Variants in MED12L observed in about 807,000 individuals in gnomAD.
The protein encoded by MED12L is mediator complex subunit 12L, also known as mediator of RNA polymerase II transcription subunit 12-like protein.
MED12L carries 60 observed loss-of-function variants against 281.3 expected under a neutral mutation model. The observed-to-expected ratio is 0.21, with a 90% CI of 0.17 to 0.26. The LOEUF (loss-of-function observed/expected upper bound fraction) is 0.26, where lower values mean the gene tolerates loss of function less well. Ranked by LOEUF, MED12L falls within the 10% of genes least tolerant of loss-of-function variation. The pLI is 1.00. For synonymous variants in MED12L, 974 were observed against 987.2 expected (o/e 0.99, Z 0.25); for missense variants, 2,146 against 2,680.9 (o/e 0.80, Z 4.41).
chr3:151,110,032 C>A (rs1317128132), intron 2 of MED12L, among the ~76,000 whole-genome samples: 3 of 152,148 alleles, frequency 2.0e-5, no homozygotes, highest in Non-Finnish European at 4.4e-5. Context: ...AGTGAACAAG[C>A]TTAAATCTCT....
chr3:151,328,504 C>A, intron 16 of MED12L: 1 of 1,613,956 alleles, frequency 6.2e-7, no homozygotes, highest in Non-Finnish European at 8.5e-7. Context: ...GTGTTGCTTC[C>A]TTGTTGCTCA....
chr3:151,098,831 C>A (rs1302095401), intron 2 of MED12L, among the ~76,000 whole-genome samples: 1 of 152,102 alleles, frequency 6.6e-6, no homozygotes, highest in African/African-American at 2.4e-5. Context: ...CCTGTTTTCA[C>A]ACTGCTGATA....
intron 16 of MED12L, among the ~76,000 whole-genome samples, chr3:151,283,306 GT>G (rs1743053030): frequency 6.6e-6 from 1 of 152,230 alleles, no homozygotes; most frequent in Non-Finnish European, 1.5e-5. Context: ...ATTAGATTGG[GT>G]TTAAATCTTG....
At chr3:151,224,006 T>C (rs891580530) in intron 16 of MED12L, among the ~76,000 whole-genome samples, 1 of 152,230 alleles carries the variant, frequency 6.6e-6, no homozygotes, top group Non-Finnish European at 1.5e-5. Context: ...TCTTAAATTC[T>C]GAATCAAATA....
chr3:151,371,370 C>T (rs1242199278), intron 26 of MED12L, among the ~76,000 whole-genome samples: 1 of 152,160 alleles, frequency 6.6e-6, no homozygotes, highest in Non-Finnish European at 1.5e-5. Flanking sequence ...TTGGTACTTG[C>T]AGAATTTAGT....
chr3:151,107,273 A>G (rs1560052416), intron 2 of MED12L, among the ~76,000 whole-genome samples: 1 of 152,162 alleles, frequency 6.6e-6, no homozygotes, highest in Non-Finnish European at 1.5e-5. Context: ...AAAATATCAG[A>G]AGCTTACCAC....
At chr3:151,329,428 C>T in intron 16 of MED12L, 1 of 1,127,364 alleles carries the variant, frequency 8.9e-7, no homozygotes, top group Non-Finnish European at 1.3e-6. Context: ...TTCCCTTAAG[C>T]ATATTCTTTT....
At chr3:151,176,445 A>G (rs1227912287) in intron 11 of MED12L, among the ~76,000 whole-genome samples, 6 of 152,224 alleles carry the variant, frequency 3.9e-5, no homozygotes. Context: ...ATAAACATAT[A>G]TGAACACTTA....
At chr3:151,366,683 C>T (rs544144622) in intron 23 of MED12L, among the ~76,000 whole-genome samples, 1 of 152,232 alleles carries the variant, frequency 6.6e-6, no homozygotes, top group African/African-American at 2.4e-5. Context: ...ACACCTGCCT[C>T]TCAGTTGAAG....
chr3:151,108,018 AT>A (rs965244245), intron 2 of MED12L, among the ~76,000 whole-genome samples: 1 of 152,166 alleles, frequency 6.6e-6, no homozygotes, highest in Admixed American at 6.5e-5. Flanking sequence ...CAGAGATGTT[AT>A]TGAGGGTTTG....
intron 21 of MED12L, among the ~76,000 whole-genome samples, chr3:151,362,528 A>G (rs1303763752): frequency 6.6e-6 from 1 of 152,072 alleles, no homozygotes; most frequent in South Asian, 2.1e-4. Flanking sequence ...TGAGCACACC[A>G]TTTTAAATAG....
intron 43 of MED12L, among the ~76,000 whole-genome samples, chr3:151,426,740 A>G (rs544515969): frequency 6.6e-6 from 1 of 152,206 alleles, no homozygotes; most frequent in South Asian, 2.1e-4. Flanking sequence ...AGATAAACTT[A>G]TGTTCCTGGA....
At chr3:151,337,975 C>T (rs770714899) in intron 16 of MED12L, 1 of 1,614,104 alleles carries the variant, frequency 6.2e-7, no homozygotes. Flanking sequence ...TCCAGGCATG[C>T]ATTTAAGGAA....
chr3:151,210,278 G>C (rs1214586666), intron 16 of MED12L, among the ~76,000 whole-genome samples: 1 of 152,234 alleles, frequency 6.6e-6, no homozygotes, highest in Non-Finnish European at 1.5e-5. Flanking sequence ...GATGGGGTCA[G>C]CTGCATATGA....
intron 2 of MED12L, among the ~76,000 whole-genome samples, chr3:151,103,996 T>C (rs2148671453): frequency 6.6e-6 from 1 of 152,334 alleles, no homozygotes; most frequent in South Asian, 2.1e-4. Context: ...GAGGGAGTGG[T>C]ATTATTACCA....
intron 39 of MED12L, among the ~76,000 whole-genome samples, chr3:151,406,882 C>T (rs1006917774): frequency 2.0e-5 from 3 of 150,406 alleles, no homozygotes; most frequent in Non-Finnish European, 2.9e-5. Flanking sequence ...CTCACTGCAA[C>T]CTCTGCCTCC....
intron 5 of MED12L, among the ~76,000 whole-genome samples, chr3:151,138,243 T>C (rs1278032573): frequency 4.2e-5 from 5 of 119,936 alleles, no homozygotes; most frequent in Admixed American, 8.6e-5. Flanking sequence ...TTGTGGCCTC[T>C]TAGTCCTTCA....
chr3:151,214,126 A>C (rs1461561971), intron 16 of MED12L: 8 of 1,614,020 alleles, frequency 5.0e-6, no homozygotes, highest in Non-Finnish European at 6.8e-6. Context: ...GTCAGCAATA[A>C]CAATGTTCTT....
In MED12L at chr3:151,385,002, ACTCTCTCTCT is replaced by A; in HGVS notation, c.4927-21_4927-12del. The stretch of plus-strand genomic sequence containing the variant: ...CATTGTAATTTCTGTCCCACTTCTC[ACTCTCTCTCT>A]CTCTCTTTTTTCTTTAGAAAGAGCT... On this transcript the variant is annotated intron_variant, in intron 35 of 44. Transcript: ENST00000687756. 1 of 1,150,942 alleles carries A rather than the reference ACTCTCTCTCT, an allele frequency of 8.7e-7. No individual in the cohort carries two copies. Among genetic ancestry groups the A allele is most frequent in the East Asian group, 2.4e-5 (1 of 41,424 alleles). 71.3% of individuals were successfully genotyped at this position (1,150,942 alleles called of 1,614,324 possible). A position where few individuals can be genotyped will look rare whatever the true frequency, so the allele number is the denominator to read the frequency against.
Sources: gnomAD v4.1 joint callset for allele counts (sites outside exome capture counted in the v4.1 genomes callset) on GRCh38, gnomAD v4.1.1 for gene constraint, MANE v1.5 for transcripts, NCBI Gene and HGNC (gene_info 2026-07-23, HGNC 2026-07-21) for gene names.